Variants in ALK observed in about 807,000 individuals in gnomAD.
The protein encoded by ALK is ALK receptor tyrosine kinase, also known as ALK tyrosine kinase receptor.
Under a neutral mutation model 163.1 loss-of-function variants are expected in ALK, and 74 were observed. The observed-to-expected ratio is 0.45, with a 90% CI of 0.38 to 0.55. ALK has a LOEUF of 0.55. Among genes scored for constraint, ALK ranks in the 20% least tolerant of loss-of-function variants. The pLI is 0.00. For missense variants in ALK, 2,063 were observed against 2,105.3 expected (o/e 0.98, Z 0.39); for synonymous variants, 960 against 843.2 (o/e 1.14, Z -2.40).
rs537603430 is a variant in ALK, at chr2:29,193,263, A to G, written c.4824T>C (p.Ile1608=). 10 of 1,614,118 alleles carry G rather than the reference A, an allele frequency of 6.2e-6. No individual in the cohort carries two copies. The South Asian group carries it at 9.9e-5, about 16-fold the overall frequency. ...GGTTCATGCTATTCTTGCTTTTCAG[A>G]ATGGTATCCTCGTAATGACCAGCTC... is the stretch of plus-strand genomic sequence containing the variant. ...APGAGHYEDT[I]LKSKNSMNQP... The change falls in exon 29 of 29, where the codon ATT becomes ATC. Residue 1608 remains isoleucine (I), a synonymous_variant. Transcript: ENST00000389048.
intron 3 of ALK, among the ~76,000 whole-genome samples, chr2:29,567,135 A>G (rs1312984319): frequency 2.0e-5 from 3 of 152,228 alleles, no homozygotes; most frequent in African/African-American, 7.2e-5. Context: ...AAGAAGTCAC[A>G]GTGCAGGAGG....
At chr2:29,652,571 G>C (rs1677065825) in intron 3 of ALK, among the ~76,000 whole-genome samples, 1 of 152,184 alleles carries the variant, frequency 6.6e-6, no homozygotes, top group Non-Finnish European at 1.5e-5. Flanking sequence ...GGTAGCTTCA[G>C]GATGGGATTT....
chr2:29,295,556 C>A (rs1666150259), intron 9 of ALK, among the ~76,000 whole-genome samples: 1 of 152,186 alleles, frequency 6.6e-6, no homozygotes, highest in Non-Finnish European at 1.5e-5. Context: ...TGATCGTTAA[C>A]CCACACACAT....
intron 4 of ALK, among the ~76,000 whole-genome samples, chr2:29,484,316 TAC>T (rs142241481): frequency 2.2e-4 from 34 of 151,684 alleles, no homozygotes; most frequent in South Asian, 8.4e-4. Flanking sequence ...AATGGGTCAT[TAC>T]ACACACACAC....
Position 29,389,043 on chromosome 2 carries a change from T to C in ALK, c.1155-5184A>G, listed in dbSNP as rs147862247. 5.2e-3 allele frequency among the ~76,000 whole-genome samples: 793 copies of C among 152,284 alleles called. 10 individuals carry two copies. Among genetic ancestry groups the C allele is most frequent in the Middle Eastern group, 0.027 (8 of 294 alleles). ...TTCCTGTAGGACATGAAAAGATGCT[T>C]GGTGTCTAGTTCTTGGTTAGCATTT... On this transcript the variant is annotated intron_variant, in intron 4 of 28. Transcript: ENST00000389048.
At chr2:29,299,948 A>G (rs893713595) in intron 8 of ALK, among the ~76,000 whole-genome samples, 1 of 152,218 alleles carries the variant, frequency 6.6e-6, no homozygotes, top group African/African-American at 2.4e-5. Flanking sequence ...TTTTGGAAAC[A>G]CGGTGGATTA....
intron 1 of ALK, among the ~76,000 whole-genome samples, chr2:29,832,740 A>C (rs1665453976): frequency 6.6e-6 from 1 of 152,220 alleles, no homozygotes; most frequent in African/African-American, 2.4e-5. Flanking sequence ...CTTAGGGAAC[A>C]CCTACCATGT....
chr2:29,663,375 C>T (rs1302678518), intron 3 of ALK, among the ~76,000 whole-genome samples: 4 of 152,160 alleles, frequency 2.6e-5, no homozygotes, highest in Non-Finnish European at 4.4e-5. Flanking sequence ...CAAAGCTTTA[C>T]AGGAAAAGAT....
rs1275605669 is a variant in ALK at position 29,283,166 on chromosome 2, G to C, written c.1818-7670C>G. On this transcript the variant is annotated intron_variant, in intron 9 of 28. Coordinates refer to ENST00000389048, the MANE Select transcript of ALK (RefSeq NM_004304.5). Reference sequence around the variant, plus strand: ...CCCCTGCCATTCTTTTGACTTGTGTGGTTGCAATGGAGATAGTAGCGGATG... The same window carrying C: ...CCCCTGCCATTCTTTTGACTTGTGTCGTTGCAATGGAGATAGTAGCGGATG... Among the ~76,000 whole-genome samples, 4 of 152,198 alleles carry C rather than the reference G, an allele frequency of 2.6e-5. No homozygotes were observed. In the South Asian group the frequency reaches 8.3e-4, roughly 32 times the overall value.
intron 1 of ALK, among the ~76,000 whole-genome samples, chr2:29,730,037 C>A (rs945623404): frequency 6.6e-6 from 1 of 152,152 alleles, no homozygotes; most frequent in Non-Finnish European, 1.5e-5. Flanking sequence ...GAAGGTAAGT[C>A]GTCCTATTAA....
At chr2:29,254,931 C>T (rs1664915298) in intron 11 of ALK, among the ~76,000 whole-genome samples, 1 of 152,186 alleles carries the variant, frequency 6.6e-6, no homozygotes, top group Non-Finnish European at 1.5e-5. Flanking sequence ...TTTCCATACA[C>T]AAAATTTTGT....
intron 3 of ALK, among the ~76,000 whole-genome samples, chr2:29,618,033 C>G (rs1466471946): frequency 6.6e-6 from 1 of 152,182 alleles, no homozygotes; most frequent in Admixed American, 6.5e-5. Context: ...GTCTGCCTGG[C>G]ACATCCCTCC....
At chr2:29,603,174 G>C (rs1406299105) in intron 3 of ALK, among the ~76,000 whole-genome samples, 1 of 152,144 alleles carries the variant, frequency 6.6e-6, no homozygotes, top group Non-Finnish European at 1.5e-5. Context: ...AAGTCTCATA[G>C]GTGGCCACTC....
At chr2:29,663,090 C>G (rs1181134947) in intron 3 of ALK, among the ~76,000 whole-genome samples, 1 of 152,120 alleles carries the variant, frequency 6.6e-6, no homozygotes, top group African/African-American at 2.4e-5. Context: ...ACGGTCTTCC[C>G]ATAAGCCTAT....
chr2:29,404,528 C>A (rs1322699253), intron 4 of ALK, among the ~76,000 whole-genome samples: 1 of 152,082 alleles, frequency 6.6e-6, no homozygotes, highest in Non-Finnish European at 1.5e-5. Context: ...AAGAATAAGA[C>A]AAGAATTCTA....
At chr2:29,343,616 T>C (rs1362135400) in intron 5 of ALK, among the ~76,000 whole-genome samples, 1 of 152,188 alleles carries the variant, frequency 6.6e-6, no homozygotes, top group African/African-American at 2.4e-5. Flanking sequence ...TGTTTCTCCC[T>C]GCGCTGTGGT....
In ALK at chr2:29,919,361, A is replaced by G. The variant is rs531859317; in HGVS notation, c.667+632T>C. On this transcript the variant is annotated intron_variant, in intron 1 of 28. Transcript: ENST00000389048. ...ACCTCCCTCCTGTCCTCTGTTCCTT[A>G]GTTTCTCTGGGGCTTTCCCAACAAC... Among the ~76,000 whole-genome samples, 309 of 140,712 alleles carry G rather than the reference A, an allele frequency of 2.2e-3. 1 individual carries two copies. Among genetic ancestry groups the G allele is most frequent in the African/African-American group, 7.5e-3 (289 of 38,704 alleles). 92.3% of individuals were successfully genotyped at this position (140,712 alleles called of 152,430 possible). A position where few individuals can be genotyped will look rare whatever the true frequency, so the allele number is the denominator to read the frequency against.
At chr2:29,678,159 A>G (rs977987523) in intron 3 of ALK, among the ~76,000 whole-genome samples, 1 of 151,962 alleles carries the variant, frequency 6.6e-6, no homozygotes, top group Admixed American at 6.6e-5. Flanking sequence ...TCCCTCATTT[A>G]TTCCTGAATT....
chr2:29,577,005 C>G (rs180683079), intron 3 of ALK, among the ~76,000 whole-genome samples: 1 of 152,056 alleles, frequency 6.6e-6, no homozygotes, highest in Admixed American at 6.6e-5. Flanking sequence ...TTGGAATGTG[C>G]ATGAATCATC....
Sources: gnomAD v4.1 joint callset for allele counts (sites outside exome capture counted in the v4.1 genomes callset) on GRCh38, gnomAD v4.1.1 for gene constraint, MANE v1.5 for transcripts, NCBI Gene and HGNC (gene_info 2026-07-23, HGNC 2026-07-21) for gene names.